Variants in EFCAB3 observed in about 807,000 individuals in gnomAD.
EFCAB3 encodes EF-hand calcium-binding domain-containing protein 3.
Under a neutral mutation model 42.2 loss-of-function variants are expected in EFCAB3, and 36 were observed. The observed-to-expected ratio is 0.85, with a 90% confidence interval of 0.65 to 1.13. The LOEUF is 1.13. Ranked by LOEUF, EFCAB3 falls within the 50% of genes most tolerant of loss-of-function variation. The pLI, the probability that EFCAB3 is intolerant of heterozygous loss-of-function variation, is 0.00. For synonymous variants in EFCAB3, 170 were observed against 172.8 expected, an observed-to-expected ratio of 0.98 and a Z score of 0.13; for missense variants, 418 against 505.1, an observed-to-expected ratio of 0.83 and a Z score of 1.65.
chr17:62,386,605 A>G (rs1284806068), intron 2 of EFCAB3, among the ~76,000 whole-genome samples: 1 of 152,234 alleles, frequency 6.6e-6, no homozygotes. Flanking sequence ...AAATTGAAAC[A>G]ACTTCTCTTT....
intron 7 of EFCAB3, 80 bp downstream of exon 7, chr17:62,406,753 A>C: frequency 2.0e-6 from 3 of 1,473,454 alleles, no homozygotes; most frequent in Non-Finnish European, 2.8e-6. Context: ...ACTAGAGCCC[A>C]AATGGCATAA....
chr17:62,407,119 C>A lies in EFCAB3; in HGVS notation c.774C>A (p.Phe258Leu). The A allele has an allele frequency of 6.2e-7, 1 of 1,613,178 alleles. No homozygotes were observed. Among genetic ancestry groups the A allele is most frequent in the Non-Finnish European group, 8.5e-7 (1 of 1,179,608 alleles). Residue 258 changes from phenylalanine to leucine, a missense_variant, in exon 8 of 10, where the codon TTC (phenylalanine) becomes TTA (leucine). Physicochemically the swap from Phe to Leu is conservative, Grantham distance 22 (BLOSUM62 0). Transcript: ENST00000305286. ...NVDGVVMGKP[F>L]KDMQKLEMLR... ...ATGGGGTGGTGATGGGAAAGCCATTCAAAGACATGCAGAAATTAGAGATGC... is the reference window on the plus strand; with the variant it reads ...ATGGGGTGGTGATGGGAAAGCCATTAAAAGACATGCAGAAATTAGAGATGC...
intron 1 of EFCAB3, chr17:62,370,327 G>A (rs372659904): frequency 9.0e-6 from 14 of 1,551,450 alleles, no homozygotes; most frequent in Admixed American, 3.9e-5. Context: ...TTAACGGTGA[G>A]GTGTATGTTT....
In EFCAB3 at chr17:62,391,951, G is replaced by A. The variant is rs771412165; in HGVS notation, c.281G>A (p.Cys94Tyr). 1.9e-6 allele frequency: 3 copies of A among 1,603,672 alleles called. No individual in the cohort carries two copies. Among genetic ancestry groups the A allele is most frequent in the Non-Finnish European group, 2.6e-6 (3 of 1,173,356 alleles). Residue 94 changes from cysteine to tyrosine, a missense_variant, in exon 4 of 10, where the codon TGT (cysteine) becomes TAT (tyrosine). Physicochemically the swap from Cys to Tyr is radical, Grantham distance 194. Coordinates refer to ENST00000305286, the MANE Select transcript of EFCAB3 (RefSeq NM_173503.4). Reference sequence around the variant, plus strand: ...CATGATGTCTATAATGAATTGAAATGTGCTGATATTGATCGTGAGTCCTTT... The same window carrying A: ...CATGATGTCTATAATGAATTGAAATATGCTGATATTGATCGTGAGTCCTTT... ...TKHDVYNELK[C>Y]ADIDRDGKVN...
At chr17:62,411,873 G>A (rs1332373060) in intron 8 of EFCAB3, among the ~76,000 whole-genome samples, 2 of 45,072 alleles carry the variant, frequency 4.4e-5, no homozygotes, top group African/African-American at 1.1e-4. Context: ...AGGAAGGAAG[G>A]AAGGAAGGAA....
intron 9 of EFCAB3, among the ~76,000 whole-genome samples, chr17:62,415,109 CA>C (rs761576849): frequency 2.8e-5 from 4 of 141,004 alleles, no homozygotes; most frequent in Admixed American, 7.4e-5. Context: ...GTCTCAAAAA[CA>C]AAAAAAAACA....
At chr17:62,389,542 T>C (rs1169528782) in intron 3 of EFCAB3, among the ~76,000 whole-genome samples, 9 of 152,208 alleles carry the variant, frequency 5.9e-5, no homozygotes, top group Admixed American at 5.9e-4. Context: ...ATTTATTGAA[T>C]ACTTCAAGAT....
At chr17:62,393,009 T>G (rs1302862703) in intron 4 of EFCAB3, among the ~76,000 whole-genome samples, 1 of 152,152 alleles carries the variant, frequency 6.6e-6, no homozygotes, top group Non-Finnish European at 1.5e-5. Context: ...GTGAAAAATA[T>G]ATTCAGCATA....
intron 6 of EFCAB3, among the ~76,000 whole-genome samples, 167 bp downstream of exon 6, chr17:62,395,355 C>A (rs945655104): frequency 1.3e-5 from 2 of 152,144 alleles, no homozygotes; most frequent in African/African-American, 4.8e-5. Flanking sequence ...AGACCTTATT[C>A]CCTCATCTCC....
At chr17:62,392,012 G>A in intron 4 of EFCAB3, 47 bp downstream of exon 4, 1 of 1,550,770 alleles carries the variant, frequency 6.4e-7, no homozygotes. Context: ...AGATTTTTGT[G>A]AATATATAGT....
At chr17:62,389,210 C>T (rs1191649417) in intron 3 of EFCAB3, among the ~76,000 whole-genome samples, 1 of 152,184 alleles carries the variant, frequency 6.6e-6, no homozygotes, top group Non-Finnish European at 1.5e-5. Context: ...AGGGCTGTCC[C>T]TAGTTGTCTG....
chr17:62,389,614 C>A (rs899216003), intron 3 of EFCAB3, among the ~76,000 whole-genome samples: 2 of 152,120 alleles, frequency 1.3e-5, no homozygotes, highest in Non-Finnish European at 2.9e-5. Flanking sequence ...AAAACTGAAG[C>A]AATCAGATTA....
At chr17:62,406,448 T>C (rs1237860400) in intron 6 of EFCAB3, 32 bp from the exon 7 acceptor site, 2 of 1,539,374 alleles carry the variant, frequency 1.3e-6, no homozygotes, top group South Asian at 2.5e-5. Flanking sequence ...TGTCTCTTTG[T>C]ATCCATTTCT....
intron 8 of EFCAB3, among the ~76,000 whole-genome samples, chr17:62,409,189 C>T (rs2070473630): frequency 6.6e-6 from 1 of 152,152 alleles, no homozygotes; most frequent in Non-Finnish European, 1.5e-5. Flanking sequence ...TCCCAAATAG[C>T]TGGACCACAG....
chr17:62,376,369 C>A (rs1000500627), upstream of EFCAB3, among the ~76,000 whole-genome samples: 4 of 152,096 alleles, frequency 2.6e-5, no homozygotes, highest in Admixed American at 2.6e-4. Flanking sequence ...GAGGCTGAGA[C>A]AGGAGAACCA....
chr17:62,409,802 TTATAA>T (rs1448359308), intron 8 of EFCAB3, among the ~76,000 whole-genome samples: 5 of 151,920 alleles, frequency 3.3e-5, no homozygotes, highest in African/African-American at 7.2e-5. Flanking sequence ...TTTACAAATA[TTATAA>T]TATACTACAT....
upstream of EFCAB3, among the ~76,000 whole-genome samples, chr17:62,379,893 G>C (rs968037187): frequency 6.6e-6 from 1 of 151,980 alleles, no homozygotes; most frequent in African/African-American, 2.4e-5. Context: ...GAGTTTTTTT[G>C]CCTCTCTTTC....
chr17:62,392,669 G>A (rs1160408921), intron 4 of EFCAB3, among the ~76,000 whole-genome samples: 1 of 151,262 alleles, frequency 6.6e-6, no homozygotes, highest in African/African-American at 2.4e-5. Flanking sequence ...ACGGAGTCTT[G>A]CTCTGTTGCC....
chr17:62,392,407 C>T (rs1388592860), intron 4 of EFCAB3, among the ~76,000 whole-genome samples: 3 of 151,866 alleles, frequency 2.0e-5, no homozygotes, highest in African/African-American at 4.8e-5. Context: ...TTGAAAAACA[C>T]TGTGTGGAAG....
Sources: allele counts gnomAD v4.1 joint callset (sites outside exome capture counted in the v4.1 genomes callset), GRCh38; gene constraint gnomAD v4.1.1; transcripts MANE v1.5; gene names NCBI Gene and HGNC (gene_info 2026-07-23, HGNC 2026-07-21).